Variants in TEN1 observed in about 807,000 individuals in gnomAD.
TEN1 encodes the protein CST complex subunit TEN1.
In TEN1, 6 loss-of-function variants were observed where a neutral mutation model predicts 9.3. The observed-to-expected ratio is 0.65, with a 90% CI of 0.35 to 1.27. TEN1 has a LOEUF of 1.27. Ranked by LOEUF, TEN1 falls within the 50% of genes most tolerant of loss-of-function variation. TEN1 has a pLI of 0.03. For missense variants in TEN1, 149 were observed against 158.2 expected (o/e 0.94, Z 0.31); for synonymous variants, 65 against 65.6 (o/e 0.99, Z 0.04).
intron 2 of TEN1, among the ~76,000 whole-genome samples, chr17:75,988,085 C>G (rs1187768594): frequency 6.6e-6 from 1 of 150,414 alleles, no homozygotes; most frequent in South Asian, 2.1e-4. Flanking sequence ...ATAAAAAATA[C>G]AAAAATTAGC....
intron 2 of TEN1, among the ~76,000 whole-genome samples, chr17:75,989,092 ATTTTC>A (rs1250118348): frequency 1.4e-5 from 2 of 143,322 alleles, no homozygotes; most frequent in Non-Finnish European, 3.0e-5. Context: ...TTCTTTATTG[ATTTTC>A]TTTTCTTTTT....
chr17:75,987,153 A>C (rs1483089436), intron 2 of TEN1, among the ~76,000 whole-genome samples: 1 of 151,064 alleles, frequency 6.6e-6, no homozygotes, highest in Admixed American at 6.6e-5. Flanking sequence ...TTATTGTCTC[A>C]TAGTTACTGT....
intron 2 of TEN1, among the ~76,000 whole-genome samples, chr17:75,986,667 C>T (rs1237116188): frequency 6.6e-6 from 1 of 151,824 alleles, no homozygotes; most frequent in East Asian, 1.9e-4. Flanking sequence ...CGCCATTGCA[C>T]TCCAGCCTGG....
intron 1 of TEN1, chr17:75,984,615 A>C (rs554567857): frequency 6.6e-6 from 1 of 152,410 alleles, no homozygotes; most frequent in East Asian, 1.9e-4. Context: ...CCTGAGCTCA[A>C]GTGATCTGCC....
Position 75,986,185 on chromosome 17 carries a change from A to G in TEN1, c.-6-2A>G. The G allele has an allele frequency of 6.5e-7, 1 of 1,544,568 alleles. No individual in the cohort carries two copies. Among genetic ancestry groups the G allele is most frequent in the Admixed American group, 2.0e-5 (1 of 49,912 alleles). ...AAATCCCTCTCAACTATTTGGTTAC[A>G]GGAGCCCATGATGCTGCCCAAACCT... On this transcript the variant is annotated splice_acceptor_variant, in intron 1 of 3. Transcript: ENST00000397640. LOFTEE classifies it low-confidence loss of function (5UTR_SPLICE).
chr17:75,989,873 C>T (rs944192562), intron 2 of TEN1, among the ~76,000 whole-genome samples: 1 of 151,260 alleles, frequency 6.6e-6, no homozygotes, highest in African/African-American at 2.4e-5. Flanking sequence ...TCCCAAGTAG[C>T]TGAGACCACA....
intron 3 of TEN1, 50 bp downstream of exon 3, chr17:75,991,673 G>A (rs781329617): frequency 1.2e-4 from 182 of 1,535,966 alleles, no homozygotes; most frequent in Non-Finnish European, 1.6e-4. Flanking sequence ...CTGAGCTGGG[G>A]CAGTCTTCGG....
intron 1 of TEN1, chr17:75,984,891 G>A (rs1313170042): frequency 6.6e-6 from 1 of 152,242 alleles, no homozygotes; most frequent in Non-Finnish European, 1.5e-5. Flanking sequence ...CTGACAAACA[G>A]AACAGTTCTT....
intron 2 of TEN1, among the ~76,000 whole-genome samples, chr17:75,990,785 G>C (rs2066179771): frequency 9.3e-6 from 1 of 107,130 alleles, no homozygotes; most frequent in East Asian, 2.2e-4. Context: ...TGCAGCCTGG[G>C]ATACAGAAAA....
At chr17:75,999,783 G>T (rs1045528854) in intron 3 of TEN1, among the ~76,000 whole-genome samples, 8 of 152,120 alleles carry the variant, frequency 5.3e-5, no homozygotes, top group African/African-American at 1.9e-4. Context: ...GGGATGACCT[G>T]CTCCTATAAA....
At chr17:75,986,995 T>C (rs1010847199) in intron 2 of TEN1, among the ~76,000 whole-genome samples, 2 of 152,170 alleles carry the variant, frequency 1.3e-5, no homozygotes, top group African/African-American at 2.4e-5. Flanking sequence ...ACACACAATT[T>C]TAGTTTTTCG....
intron 3 of TEN1, among the ~76,000 whole-genome samples, chr17:75,997,083 G>A (rs1048470594): frequency 6.6e-6 from 1 of 152,094 alleles, no homozygotes; most frequent in African/African-American, 2.4e-5. Context: ...TACTTCTGCT[G>A]CGTCCCTCTT....
chr17:76,000,162 CG>C lies in TEN1; in HGVS notation c.273del (p.Arg92AlafsTer3). ...HQQDRGSVVK[A>X]RVLTCVEGMN... ...GCAGACAGAGGCTCCGTGGTGAAGG[CG>C]CGCGTGCTGACCTGTGTGGAGGGGA... On this transcript the variant is annotated frameshift_variant, in exon 4 of 4. Transcript: ENST00000397640. LOFTEE classifies it high-confidence loss of function. This position sits in a 1 kb window ranked among gnomAD's most constrained non-coding sequence, Gnocchi z 5.9. 6.4e-7 allele frequency: 1 copy of C among 1,551,270 alleles called. No homozygotes were observed. The highest frequency in any genetic ancestry group is 8.7e-7 in the Non-Finnish European group (1 of 1,146,838).
intron 3 of TEN1, among the ~76,000 whole-genome samples, chr17:75,995,908 C>T (rs1182127244): frequency 1.3e-5 from 2 of 151,936 alleles, no homozygotes; most frequent in East Asian, 3.9e-4. Context: ...ACCTGGGCAA[C>T]GCAGAGAGAC....
Position 76,000,537 on chromosome 17 carries a change from G to A in TEN1, c.*275G>A, listed in dbSNP as rs907909855. ...GCCGTGCTTGGTGTGGGGCCATGGAGGGTTCCAGAAGGTCCTGGTGAATAA... is the reference window on the plus strand; with the variant it reads ...GCCGTGCTTGGTGTGGGGCCATGGAAGGTTCCAGAAGGTCCTGGTGAATAA... On this transcript the variant is annotated 3_prime_UTR_variant, in exon 4 of 4. Transcript: ENST00000397640. This position sits in a 1 kb window ranked among gnomAD's most constrained non-coding sequence, Gnocchi z 5.9. The A allele has an allele frequency of 9.5e-6, 4 of 419,412 alleles. No homozygotes were observed. The Admixed American group carries it at 1.6e-4, about 17-fold the overall frequency. The allele number at this position is 419,412 out of a possible 1,614,324, so 26.0% of individuals were successfully genotyped here. A position where few individuals can be genotyped will look rare whatever the true frequency, so the allele number is the denominator to read the frequency against.
At chr17:75,987,085 A>G (rs1300931759) in intron 2 of TEN1, among the ~76,000 whole-genome samples, 1 of 152,164 alleles carries the variant, frequency 6.6e-6, no homozygotes, top group Non-Finnish European at 1.5e-5. Flanking sequence ...CAGCCTCCCA[A>G]AGTGCTGGGA....
intron 1 of TEN1, among the ~76,000 whole-genome samples, 191 bp downstream of exon 1, chr17:75,979,702 A>G (rs555432641): frequency 5.9e-5 from 9 of 152,004 alleles, no homozygotes; most frequent in African/African-American, 2.2e-4. Flanking sequence ...ATTGCTAGGG[A>G]GGGTCACTTG....
intron 1 of TEN1, among the ~76,000 whole-genome samples, chr17:75,982,643 G>A (rs1187037579): frequency 6.6e-6 from 1 of 152,164 alleles, no homozygotes; most frequent in Non-Finnish European, 1.5e-5. Flanking sequence ...AGAATGCAGT[G>A]GCGCAACCAT....
intron 3 of TEN1, 76 bp downstream of exon 3, chr17:75,991,699 A>T: frequency 6.8e-7 from 1 of 1,478,928 alleles, no homozygotes; most frequent in Non-Finnish European, 9.0e-7. Flanking sequence ...TCAGTGAGAA[A>T]TGGGCTCGTG....
Sources: allele counts gnomAD v4.1 joint callset (sites outside exome capture counted in the v4.1 genomes callset), GRCh38; gene constraint gnomAD v4.1.1; non-coding constraint Gnocchi (gnomAD v3.1); transcripts MANE v1.5; gene names NCBI Gene and HGNC (gene_info 2026-07-23, HGNC 2026-07-21).